LUC7L3: variants seen among roughly 807,000 people sequenced by gnomAD.
The protein encoded by LUC7L3 is luc7-like protein 3.
A neutral mutation model predicts 66.8 loss-of-function variants in LUC7L3; 6 were observed. The ratio of observed to expected loss-of-function variants is 0.09; its 90% CI spans 0.05 to 0.18. The LOEUF (loss-of-function observed/expected upper bound fraction) is 0.18, where lower values mean the gene tolerates loss of function less well. LUC7L3 is among the 10% of genes least tolerant of loss of function. LUC7L3 has a pLI of 1.00. For synonymous variants in LUC7L3, 160 were observed against 174.7 expected (o/e 0.92, Z 0.66); for missense variants, 341 against 531.1 (o/e 0.64, Z 3.52).
At position 50,737,023 on chromosome 17, in the gene LUC7L3, C is replaced by G. The variant is rs756573968; in HGVS notation, c.163C>G (p.Leu55Val). The G allele has an allele frequency of 1.2e-6, 2 of 1,602,916 alleles. No individual in the cohort carries two copies. The highest frequency in any genetic ancestry group is 1.7e-6 in the Non-Finnish European group (2 of 1,173,008). The change falls in exon 2 of 10, where the codon CTT (leucine) becomes GTT (valine). Residue 55 changes from leucine (L) to valine (V), a missense_variant. Physicochemically the swap from Leu to Val is conservative, Grantham distance 32 (BLOSUM62 1). Around this residue, in one of 6 missense-constraint regions of LUC7L3, gnomAD observed 86 missense variants for 172.0 expected, o/e 0.50. Transcript: ENST00000505658. ...ATTGTTCACAAATACACGTTCTGAT[C>G]TTGGTAAGTGAATTTTCTGTGTAAC... ...AELFTNTRSD[L>V]GPCEKIHDEN...
chr17:50,734,164 T>G (rs1372641031), intron 1 of LUC7L3, among the ~76,000 whole-genome samples: 1 of 122,084 alleles, frequency 8.2e-6, no homozygotes, highest in Admixed American at 8.5e-5. Context: ...TAATCTTTTT[T>G]AAAACTTTTT....
At chr17:50,735,261 C>T (rs988473688) in intron 1 of LUC7L3, among the ~76,000 whole-genome samples, 4 of 149,212 alleles carry the variant, frequency 2.7e-5, no homozygotes, top group Non-Finnish European at 4.4e-5. Flanking sequence ...AAAAAACTTT[C>T]GTGTCTGTGA....
At position 50,751,094 on chromosome 17, in the gene LUC7L3, CTT is replaced by C; in HGVS notation, c.*434_*435del. 4.2e-6 allele frequency: 6 copies of C among 1,439,608 alleles called. No homozygotes were observed. The highest frequency in any genetic ancestry group is 5.4e-6 in the Non-Finnish European group (6 of 1,105,518). The allele number at this position is 1,439,608 out of a possible 1,614,324, so 89.2% of individuals were successfully genotyped here. On this transcript the variant is annotated 3_prime_UTR_variant, in exon 10 of 10. Coordinates refer to ENST00000505658, the MANE Select transcript of LUC7L3 (RefSeq NM_016424.5). ...TTGGCAGAGACATATGCTTTAAAAA[CTT>C]AAATATTTCGGAGGCACATGTTGGA...
Position 50,752,012 on chromosome 17 carries a change from C to T in LUC7L3, c.*1351C>T, listed in dbSNP as rs1970994424. 1 of 1,095,974 alleles carries T rather than the reference C, an allele frequency of 9.1e-7. No individual in the cohort carries two copies. Among genetic ancestry groups the T allele is most frequent in the Admixed American group, 4.8e-5 (1 of 20,816 alleles). The allele number at this position is 1,095,974 out of a possible 1,614,324, so 67.9% of individuals were successfully genotyped here. A position where few individuals can be genotyped will look rare whatever the true frequency, so the allele number is the denominator to read the frequency against. ...AGGTTATGTCTGTGTATGTCATTCA[C>T]ACTTAGGCAAGCATACACAGGCACA... On this transcript the variant is annotated 3_prime_UTR_variant, in exon 10 of 10. Coordinates refer to ENST00000505658, the MANE Select transcript of LUC7L3 (RefSeq NM_016424.5).
At chr17:50,728,435 T>C (rs1969344669) in intron 1 of LUC7L3, among the ~76,000 whole-genome samples, 1 of 152,144 alleles carries the variant, frequency 6.6e-6, no homozygotes, top group Non-Finnish European at 1.5e-5. Flanking sequence ...GGGTTTATCT[T>C]TAACACAGTG....
intron 1 of LUC7L3, among the ~76,000 whole-genome samples, chr17:50,728,454 T>C (rs1020004229): frequency 4.0e-5 from 6 of 151,096 alleles, no homozygotes; most frequent in Non-Finnish European, 8.9e-5. Context: ...TGAATTGAAC[T>C]CTTAGGTAAA....
intron 1 of LUC7L3, among the ~76,000 whole-genome samples, chr17:50,720,323 A>G (rs1278322056): frequency 1.3e-5 from 2 of 152,260 alleles, no homozygotes; most frequent in East Asian, 3.8e-4. Flanking sequence ...TTTACTTGTT[A>G]GGGTTTACCG....
intron 1 of LUC7L3, among the ~76,000 whole-genome samples, chr17:50,730,026 T>C (rs28504139): frequency 0.075 from 11,188 of 148,584 alleles, 462 homozygotes; most frequent in Non-Finnish European, 0.08. Flanking sequence ...CAATCTCAGC[T>C]CACTGCAGCT....
intron 1 of LUC7L3, among the ~76,000 whole-genome samples, chr17:50,721,296 G>T (rs1968739917): frequency 6.6e-6 from 1 of 152,156 alleles, no homozygotes; most frequent in South Asian, 2.1e-4. Context: ...GAACAGCCTT[G>T]TATCTCTGCA....
chr17:50,732,051 A>G (rs1226712078), intron 1 of LUC7L3, among the ~76,000 whole-genome samples: 1 of 152,186 alleles, frequency 6.6e-6, no homozygotes, highest in East Asian at 1.9e-4. Flanking sequence ...CCCCAGACCC[A>G]GGGCTTATAT....
chr17:50,741,359 A>G, intron 4 of LUC7L3, 113 bp downstream of exon 4: 2 of 1,107,486 alleles, frequency 1.8e-6, no homozygotes, highest in South Asian at 1.7e-5. Context: ...CTTTAAAATG[A>G]TATGAAACTT....
intron 1 of LUC7L3, among the ~76,000 whole-genome samples, chr17:50,735,501 TTTTC>T (rs1325127280): frequency 6.1e-5 from 9 of 148,010 alleles, no homozygotes; most frequent in Non-Finnish European, 1.3e-4. Flanking sequence ...TTTCCTTTCT[TTTTC>T]TTTTTCTTTT....
At position 50,751,743 on chromosome 17, in the gene LUC7L3, A is replaced by G. The variant is rs1289396419; in HGVS notation, c.*1082A>G. The G allele has an allele frequency of 9.7e-7, 1 of 1,034,538 alleles. No homozygotes were observed. The highest frequency in any genetic ancestry group is 1.7e-5 in the African/African-American group (1 of 57,962). 64.1% of individuals were successfully genotyped at this position (1,034,538 alleles called of 1,614,324 possible). ...GGAATAGTCACTCACTGGCTGATAC[A>G]TTTAAAGCAGCAGTGTGAATAGCAA... On this transcript the variant is annotated 3_prime_UTR_variant, in exon 10 of 10. Transcript: ENST00000505658.
At chr17:50,722,380 T>C (rs1968843025) in intron 1 of LUC7L3, 1 of 152,048 alleles carries the variant, frequency 6.6e-6, no homozygotes, top group Middle Eastern at 3.4e-3. Context: ...ATATTTTTAA[T>C]AGAGATGGGG....
chr17:50,748,252 C>T (rs1218493468), intron 9 of LUC7L3: 2 of 151,782 alleles, frequency 1.3e-5, no homozygotes, highest in African/African-American at 4.8e-5. Context: ...CTGGATAGAG[C>T]AAAAAGATGT....
chr17:50,746,139 C>A, intron 8 of LUC7L3, 136 bp downstream of exon 8: 1 of 1,312,632 alleles, frequency 7.6e-7, no homozygotes. Flanking sequence ...GTTGCGAGAG[C>A]GGAATCAGTG....
chr17:50,735,069 A>G (rs1969884303), intron 1 of LUC7L3, among the ~76,000 whole-genome samples: 1 of 152,080 alleles, frequency 6.6e-6, no homozygotes, highest in South Asian at 2.1e-4. Context: ...CATCTCTACT[A>G]AAAATTCAAA....
rs778790038 is a variant in LUC7L3 at position 50,746,667 on chromosome 17, G to A, written c.1103G>A (p.Arg368Gln). The change falls in exon 9 of 10, where the codon CGG (arginine) becomes CAG (glutamine). Residue 368 changes from arginine (R) to glutamine (Q), a missense_variant. By Grantham distance (43) the Arg-to-Gln change is conservative. Around this residue, in one of 6 missense-constraint regions of LUC7L3, gnomAD observed 210 missense variants for 238.1 expected, o/e 0.88. Coordinates refer to ENST00000505658, the MANE Select transcript of LUC7L3 (RefSeq NM_016424.5). ...RKSYKHRSKS[R>Q]DREQDRKSKE... ...TCATATAAGCACAGGAGCAAAAGTC[G>A]GGACAGAGAACAAGATAGAAAATCC... The A allele has an allele frequency of 8.1e-6, 13 of 1,613,852 alleles. No homozygotes were observed. The highest frequency in any genetic ancestry group is 2.2e-5 in the South Asian group (2 of 91,048).
chr17:50,748,695 T>C (rs1200943998), intron 9 of LUC7L3, among the ~76,000 whole-genome samples: 1 of 152,112 alleles, frequency 6.6e-6, no homozygotes, highest in Non-Finnish European at 1.5e-5. Flanking sequence ...GGATTTTCCA[T>C]GTGAGACTTG....
Sources: gnomAD v4.1 joint callset for allele counts (sites outside exome capture counted in the v4.1 genomes callset) on GRCh38, gnomAD v4.1.1 for gene constraint, gnomAD v4.1.1 regional missense constraint, MANE v1.5 for transcripts, NCBI Gene and HGNC (gene_info 2026-07-23, HGNC 2026-07-21) for gene names.